GALK2: variants seen among roughly 807,000 people sequenced by gnomAD.
GALK2 encodes the protein galactokinase 2.
Under a neutral mutation model 52.4 loss-of-function variants are expected in GALK2, and 36 were observed. The observed-to-expected ratio is 0.69, with a 90% CI of 0.53 to 0.91. The LOEUF (loss-of-function observed/expected upper bound fraction) is 0.91, where lower values mean the gene tolerates loss of function less well. Ranked by LOEUF, GALK2 falls within the 40% of genes least tolerant of loss-of-function variation. The pLI, the probability that GALK2 is intolerant of heterozygous loss-of-function variation, is 0.00. For missense variants in GALK2, 579 were observed against 559.1 expected, an observed-to-expected ratio of 1.04 and a Z score of -0.36; for synonymous variants, 176 against 199.1, an observed-to-expected ratio of 0.88 and a Z score of 0.98.
intron 1 of GALK2, among the ~76,000 whole-genome samples, chr15:49,164,737 T>G (rs1285428877): frequency 8.3e-6 from 1 of 120,116 alleles, no homozygotes; most frequent in Non-Finnish European, 1.6e-5. Flanking sequence ...GCCGAGATCA[T>G]GCCATTGCAC....
At chr15:49,358,317 T>G (rs921424720) in intron 3 of GALK2, among the ~76,000 whole-genome samples, 2 of 120,546 alleles carry the variant, frequency 1.7e-5, no homozygotes, top group African/African-American at 6.4e-5. Context: ...GCAGACGACA[T>G]GATTGTGTAT....
intron 2 of GALK2, among the ~76,000 whole-genome samples, chr15:49,212,712 A>G (rs1323944069): frequency 6.6e-6 from 1 of 151,884 alleles, no homozygotes; most frequent in Non-Finnish European, 1.5e-5. Context: ...TTCACTCCCA[A>G]TTGTTTCATG....
At chr15:49,174,280 T>G (rs1445386200) in intron 1 of GALK2, among the ~76,000 whole-genome samples, 6 of 152,196 alleles carry the variant, frequency 3.9e-5, no homozygotes, top group Admixed American at 3.9e-4. Context: ...TTTAAAATGT[T>G]GATAGCTCCT....
chr15:49,172,052 C>T (rs1443495881), intron 1 of GALK2, among the ~76,000 whole-genome samples: 3 of 152,140 alleles, frequency 2.0e-5, no homozygotes, highest in East Asian at 3.9e-4. Context: ...GGATTACAGG[C>T]GTGAGCCACC....
chr15:49,247,699 G>T (rs1022354589), intron 5 of GALK2, among the ~76,000 whole-genome samples: 1 of 152,204 alleles, frequency 6.6e-6, no homozygotes, highest in Non-Finnish European at 1.5e-5. Context: ...ACAAAGCACT[G>T]GGAGGGGCCC....
At chr15:49,157,797 A>G (rs550294027) in intron 1 of GALK2, among the ~76,000 whole-genome samples, 277 of 152,296 alleles carry the variant, frequency 1.8e-3, no homozygotes, top group South Asian at 5.4e-3. Flanking sequence ...CACGGCATGT[A>G]CCAGTACTAG....
intron 1 of GALK2, among the ~76,000 whole-genome samples, chr15:49,190,434 G>T (rs2086650716): frequency 6.6e-6 from 1 of 152,046 alleles, no homozygotes; most frequent in African/African-American, 2.4e-5. Context: ...GTGAGACTTT[G>T]GATTCTTTTT....
chr15:49,268,764 G>A (rs1236121027), intron 5 of GALK2, among the ~76,000 whole-genome samples: 1 of 152,128 alleles, frequency 6.6e-6, no homozygotes, highest in East Asian at 1.9e-4. Flanking sequence ...TCCATGGATT[G>A]GCAGTGTGTA....
At chr15:49,191,872 TC>T (rs1239250215) in intron 1 of GALK2, among the ~76,000 whole-genome samples, 1 of 149,030 alleles carries the variant, frequency 6.7e-6, no homozygotes, top group African/African-American at 2.5e-5. Context: ...GTTTTTTTTT[TC>T]CATACTTTTA....
Position 49,170,387 on chromosome 15 carries a change from G to C in GALK2, c.53+12G>C. ...GCAGAACATCCTAGGTGGGGGAGAG[G>C]AGACGCCGGGCTTTGGGATCTGCTG... On this transcript the variant is annotated intron_variant, in intron 1 of 9. Transcript: ENST00000560031. 5 of 1,581,968 alleles carry C rather than the reference G, an allele frequency of 3.2e-6. No individual in the cohort carries two copies. Among genetic ancestry groups the C allele is most frequent in the Non-Finnish European group, 4.3e-6 (5 of 1,164,402 alleles).
At chr15:49,278,381 T>C (rs912925224) in intron 5 of GALK2, among the ~76,000 whole-genome samples, 12 of 152,252 alleles carry the variant, frequency 7.9e-5, no homozygotes, top group African/African-American at 2.9e-4. Context: ...TTAAATTCTC[T>C]TTCCCTGAAC....
chr15:49,365,123 T>C (rs904438205), intron 3 of GALK2: 31 of 710,114 alleles, frequency 4.4e-5, no homozygotes, highest in Non-Finnish European at 7.4e-5. Context: ...CACATAATAT[T>C]ATTGCTGGAC....
At chr15:49,226,859 C>A (rs886762773) in intron 3 of GALK2, among the ~76,000 whole-genome samples, 2 of 152,126 alleles carry the variant, frequency 1.3e-5, no homozygotes, top group Non-Finnish European at 1.5e-5. Context: ...CAGAATAATG[C>A]TGTTAAATTT....
intron 3 of GALK2, among the ~76,000 whole-genome samples, chr15:49,360,458 C>T (rs1291545036): frequency 2.0e-5 from 3 of 152,160 alleles, no homozygotes; most frequent in South Asian, 4.2e-4. Flanking sequence ...TCTGAGTTTT[C>T]AATTTTTTAA....
At chr15:49,334,252 G>GT, downstream of GALK2, 1 of 984,282 alleles carries the variant, frequency 1.0e-6, no homozygotes, top group African/African-American at 1.7e-5. Context: ...TCCTGCTGCT[G>GT]TTTTAGAAGT....
chr15:49,217,459 T>G, intron 3 of GALK2, 146 bp downstream of exon 3: 1 of 772,972 alleles, frequency 1.3e-6, no homozygotes, highest in Non-Finnish European at 2.1e-6. Context: ...AGGCCATTAT[T>G]TATTGTTCAT....
chr15:49,197,001 T>A (rs1476151400), intron 1 of GALK2, among the ~76,000 whole-genome samples: 1 of 152,196 alleles, frequency 6.6e-6, no homozygotes, highest in Admixed American at 6.5e-5. Flanking sequence ...ACCACAGGAT[T>A]GCCTGAGCCC....
chr15:49,312,138 G>C (rs898480975), intron 8 of GALK2, among the ~76,000 whole-genome samples: 12 of 152,046 alleles, frequency 7.9e-5, no homozygotes, highest in African/African-American at 2.9e-4. Flanking sequence ...CCTCTTGACT[G>C]TGTGCATCTA....
chr15:49,222,254 C>T (rs931902468), intron 3 of GALK2, among the ~76,000 whole-genome samples: 3 of 151,990 alleles, frequency 2.0e-5, no homozygotes, highest in African/African-American at 7.3e-5. Context: ...GTTTTTTATA[C>T]TGCAACTTTA....
Sources: gnomAD v4.1 joint callset for allele counts (sites outside exome capture counted in the v4.1 genomes callset) on GRCh38, gnomAD v4.1.1 for gene constraint, MANE v1.5 for transcripts, NCBI Gene and HGNC (gene_info 2026-07-23, HGNC 2026-07-21) for gene names.